Variants in LAMA2 observed in about 807,000 individuals in gnomAD.
The protein encoded by LAMA2 is laminin subunit alpha 2, also known as laminin subunit alpha-2.
In LAMA2, 269 loss-of-function variants were observed where a neutral mutation model predicts 364.8. That is an observed-to-expected ratio of 0.74 (90% CI 0.67 to 0.82). LAMA2 has a LOEUF of 0.82. Among genes scored for constraint, LAMA2 ranks in the 40% least tolerant of loss-of-function variants. The pLI is 0.00. For synonymous variants in LAMA2, 1,379 were observed against 1,370.6 expected (o/e 1.01, Z -0.14); for missense variants, 3,807 against 3,873.2 (o/e 0.98, Z 0.45).
chr6:128,904,392 C>G (rs1268104219), intron 1 of LAMA2, among the ~76,000 whole-genome samples: 1 of 151,456 alleles, frequency 6.6e-6, no homozygotes, highest in East Asian at 1.9e-4. Context: ...GTCTCTATCT[C>G]CCTAGATAGA....
chr6:129,389,531 T>G (rs2437099), intron 35 of LAMA2, among the ~76,000 whole-genome samples: 129,226 of 152,104 alleles, frequency 0.85, 54,873 homozygotes, highest in Admixed American at 0.88. Context: ...TGACCTAATC[T>G]CCTCTCAAAG....
rs1779308859 is a variant in LAMA2 at position 129,391,378 on chromosome 6, C to CA, written c.5072-112dup. 1.2e-5 allele frequency: 11 copies of CA among 897,286 alleles called. No homozygotes were observed. The Middle Eastern group carries it at 1.3e-3, about 110-fold the overall frequency. 55.6% of individuals were successfully genotyped at this position (897,286 alleles called of 1,614,324 possible). A position where few individuals can be genotyped will look rare whatever the true frequency, so the allele number is the denominator to read the frequency against. On this transcript the variant is annotated intron_variant, in intron 35 of 64. Coordinates refer to ENST00000421865, the MANE Select transcript of LAMA2 (RefSeq NM_000426.4). ...CTCTGTGGTTCCCAGCAGGAACACT[C>CA]ACGGCAAAATACTCTTCATTTGGAG...
chr6:129,146,707 G>T (rs569995786), intron 5 of LAMA2, among the ~76,000 whole-genome samples: 19 of 152,132 alleles, frequency 1.2e-4, no homozygotes, highest in Non-Finnish European at 2.5e-4. Flanking sequence ...TGGACTTGGT[G>T]CTGACTGGGA....
chr6:129,050,097 T>G lies in LAMA2; in HGVS notation c.283+9T>G. The G allele has an allele frequency of 6.2e-7, 1 of 1,614,024 alleles. No homozygotes were observed. ...CAGCAGCAATCCAAACCGTATGTAT[T>G]TTAGTGTGTAGGTGTGTGGCGCTGG... On this transcript the variant is annotated intron_variant, in intron 2 of 64. Transcript: ENST00000421865.
At chr6:129,420,887 T>A (rs1781040063) in intron 40 of LAMA2, among the ~76,000 whole-genome samples, 2 of 152,188 alleles carry the variant, frequency 1.3e-5, no homozygotes, top group African/African-American at 2.4e-5. Context: ...TGTTCCATTA[T>A]GGTAATGATT....
intron 1 of LAMA2, among the ~76,000 whole-genome samples, chr6:128,894,190 T>A (rs573001304): frequency 7.3e-4 from 111 of 152,280 alleles, no homozygotes; most frequent in African/African-American, 2.5e-3. Context: ...ATCTTACACC[T>A]GGAAAGAATT....
At chr6:129,095,754 CAAAA>C (rs57713069) in intron 3 of LAMA2, among the ~76,000 whole-genome samples, 33 of 94,000 alleles carry the variant, frequency 3.5e-4, no homozygotes, top group East Asian at 3.5e-3. Flanking sequence ...CTACTAAATA[CAAAA>C]AAAAAAAAAA....
intron 12 of LAMA2, 21 bp from the exon 13 acceptor site, chr6:129,250,091 T>A: frequency 7.3e-7 from 1 of 1,367,212 alleles, no homozygotes; most frequent in Non-Finnish European, 1.0e-6. Context: ...CCGTAATGAT[T>A]ATGCATCTTC....
At chr6:129,341,766 G>T (rs879460424) in intron 29 of LAMA2, among the ~76,000 whole-genome samples, 4 of 152,142 alleles carry the variant, frequency 2.6e-5, no homozygotes, top group Non-Finnish European at 4.4e-5. Flanking sequence ...GTGTTAAAGG[G>T]TATCACCCCA....
At chr6:129,250,288 C>T (rs1786082218) in intron 13 of LAMA2, 75 bp downstream of exon 13, 2 of 929,206 alleles carry the variant, frequency 2.2e-6, no homozygotes, top group Non-Finnish European at 1.8e-6. Flanking sequence ...TATTTTTTAC[C>T]TGCCTGGTTT....
chr6:129,263,941 A>C (rs1787314647), intron 15 of LAMA2, among the ~76,000 whole-genome samples: 1 of 151,904 alleles, frequency 6.6e-6, no homozygotes, highest in Non-Finnish European at 1.5e-5. Context: ...ACAAGATCTC[A>C]ATATGTTGCA....
intron 12 of LAMA2, among the ~76,000 whole-genome samples, chr6:129,207,313 TG>T (rs1417343109): frequency 1.7e-4 from 26 of 152,194 alleles, no homozygotes; most frequent in African/African-American, 6.0e-4. Context: ...CTTCACTTTT[TG>T]TTTATTGTTT....
At chr6:129,114,171 G>C (rs998915399) in intron 4 of LAMA2, among the ~76,000 whole-genome samples, 6 of 152,010 alleles carry the variant, frequency 3.9e-5, no homozygotes, top group African/African-American at 1.4e-4. Flanking sequence ...AAAATCCCAA[G>C]AGAACTTGTA....
chr6:129,050,142 G>A, intron 2 of LAMA2, 54 bp downstream of exon 2: 1 of 1,557,586 alleles, frequency 6.4e-7, no homozygotes, highest in Non-Finnish European at 8.9e-7. Context: ...ATAATTGTGA[G>A]ATGTTGAGGC....
intron 11 of LAMA2, among the ~76,000 whole-genome samples, chr6:129,191,768 A>G (rs1781534578): frequency 1.3e-5 from 2 of 152,238 alleles, no homozygotes; most frequent in South Asian, 4.1e-4. Context: ...TATTTCAGCC[A>G]CATAGAGTCA....
At chr6:128,954,123 A>G (rs1269730061) in intron 1 of LAMA2, among the ~76,000 whole-genome samples, 1 of 152,150 alleles carries the variant, frequency 6.6e-6, no homozygotes, top group Non-Finnish European at 1.5e-5. Flanking sequence ...TACCAATTTG[A>G]AAAAATATAG....
At chr6:129,129,485 C>G (rs1444167395) in intron 4 of LAMA2, among the ~76,000 whole-genome samples, 1 of 152,176 alleles carries the variant, frequency 6.6e-6, no homozygotes, top group Non-Finnish European at 1.5e-5. Flanking sequence ...ATCATTTCCT[C>G]TCTTTTTATC....
chr6:129,506,591 C>A (rs973585349), intron 61 of LAMA2, among the ~76,000 whole-genome samples: 1 of 151,854 alleles, frequency 6.6e-6, no homozygotes, highest in Non-Finnish European at 1.5e-5. Context: ...TTTATTAGAC[C>A]GTGTATCCTA....
rs1231472133 is a variant in LAMA2, at chr6:129,402,453, G to T, written c.5692G>T (p.Ala1898Ser). Residue 1898 changes from alanine to serine, a missense_variant, in exon 39 of 65, where the codon GCT becomes TCT. By Grantham distance (99) the Ala-to-Ser change is moderately conservative. This residue lies in a region of LAMA2 where 3,333 missense variants were observed against 3,345.7 expected (regional missense o/e 1.00). Coordinates refer to ENST00000421865, the MANE Select transcript of LAMA2 (RefSeq NM_000426.4). ...EKVSQAESHAAQLNDSSAVLD... is the reference protein window; with the variant it reads ...EKVSQAESHASQLNDSSAVLD... Reference sequence around the variant, plus strand: ...GGTGTCCCAGGCTGAGAGCCACGCAGCTCAGTTGAATGACTCATCTGCTGT... The same window carrying T: ...GGTGTCCCAGGCTGAGAGCCACGCATCTCAGTTGAATGACTCATCTGCTGT... 37 of 1,613,990 alleles carry T rather than the reference G, an allele frequency of 2.3e-5. No individual in the cohort carries two copies. Among genetic ancestry groups the T allele is most frequent in the Non-Finnish European group, 3.1e-5 (36 of 1,180,028 alleles).
Sources: gnomAD v4.1 joint callset for allele counts (sites outside exome capture counted in the v4.1 genomes callset) on GRCh38, gnomAD v4.1.1 for gene constraint, gnomAD v4.1.1 regional missense constraint, MANE v1.5 for transcripts, NCBI Gene and HGNC (gene_info 2026-07-23, HGNC 2026-07-21) for gene names.